Variants in CFAP77 observed in about 807,000 individuals in gnomAD.
CFAP77 encodes cilia and flagella associated protein 77.
A neutral mutation model predicts 31.1 loss-of-function variants in CFAP77; 25 were observed. The ratio of observed to expected loss-of-function variants is 0.80; its 90% confidence interval spans 0.59 to 1.12. The LOEUF (loss-of-function observed/expected upper bound fraction) is 1.12. Ranked by LOEUF, CFAP77 falls within the 50% of genes most tolerant of loss-of-function variation. The probability of loss-of-function intolerance (pLI) is 0.00; values close to 1 mark genes in which losing one functional copy is unlikely to be tolerated. For missense variants in CFAP77, 377 were observed against 397.3 expected (o/e 0.95, Z 0.44); for synonymous variants, 151 against 159.9 (o/e 0.94, Z 0.42).
At chr9:132,485,171 A>T (rs1488072371) in intron 1 of CFAP77, among the ~76,000 whole-genome samples, 9 of 152,176 alleles carry the variant, frequency 5.9e-5, no homozygotes, top group Non-Finnish European at 1.2e-4. Flanking sequence ...ACAAATGGAG[A>T]CGGAGCTGCT....
In CFAP77 at chr9:132,486,671, C is replaced by T. The variant is rs887172646; in HGVS notation, c.196-12024C>T. Among the ~76,000 whole-genome samples the T allele has an allele frequency of 1.4e-4, 22 of 152,378 alleles. 2 individuals carry two copies. The highest frequency in any genetic ancestry group is 3.4e-3 in the Middle Eastern group (1 of 294). On this transcript the variant is annotated intron_variant, in intron 1 of 5. Transcript: ENST00000393216. The stretch of plus-strand genomic sequence containing the variant: ...TCCCCTAAACATGCTGTTGAGTTAC[C>T]GGCCCCCAGAGGCCGGGGACTCCGA...
intron 1 of CFAP77, among the ~76,000 whole-genome samples, chr9:132,420,159 CAAAA>C (rs11302054): frequency 8.1e-5 from 11 of 135,068 alleles, no homozygotes; most frequent in African/African-American, 8.3e-5. Flanking sequence ...AGACCTTGAC[CAAAA>C]AAAAAAAAAA....
In CFAP77 at chr9:132,499,429, G is replaced by A. The variant is rs750950057; in HGVS notation, c.353G>A (p.Arg118Gln). 1.1e-5 allele frequency: 18 copies of A among 1,614,202 alleles called. No homozygotes were observed. In the Middle Eastern group the frequency reaches 4.9e-4, roughly 44 times the overall value. ...CCCACCTGCCCCCACGAGCTGACCC[G>A]GAATTATATCGCAATGAACCGCGGG... ...QQPTCPHELTRNYIAMNRGAV... is the reference protein window; with the variant it reads ...QQPTCPHELTQNYIAMNRGAV... Residue 118 changes from arginine (R) to glutamine (Q), a missense_variant, in exon 3 of 6, where the codon CGG becomes CAG. Transcript: ENST00000393216. This position sits in a 1 kb window ranked among gnomAD's most constrained non-coding sequence, Gnocchi z 5.4.
chr9:132,448,199 G>GCA (rs151157715), intron 1 of CFAP77, among the ~76,000 whole-genome samples: 13 of 151,556 alleles, frequency 8.6e-5, no homozygotes, highest in Admixed American at 2.6e-4. Context: ...ACGCACACAT[G>GCA]CACACACACA....
At chr9:132,520,295 A>G (rs560536812) in intron 3 of CFAP77, among the ~76,000 whole-genome samples, 1 of 152,144 alleles carries the variant, frequency 6.6e-6, no homozygotes, top group Non-Finnish European at 1.5e-5. Flanking sequence ...ACAATGATCC[A>G]TGCACAATTT....
rs865906190 is a variant in CFAP77 at position 132,438,537 on chromosome 9, A to T, written c.195+28071A>T. Among the ~76,000 whole-genome samples the T allele has an allele frequency of 2.3e-4, 27 of 116,170 alleles. 1 individual carries two copies. Among genetic ancestry groups the T allele is most frequent in the South Asian group, 2.2e-3 (8 of 3,606 alleles). The allele number at this position is 116,170 out of a possible 152,430, so 76.2% of individuals were successfully genotyped here. A position where few individuals can be genotyped will look rare whatever the true frequency, so the allele number is the denominator to read the frequency against. ...AGATATGGTATATATATATATATAT[A>T]TATATTTTTTTTTTTTTTTTTAGAC... On this transcript the variant is annotated intron_variant, in intron 1 of 5. Transcript: ENST00000393216.
intron 1 of CFAP77, among the ~76,000 whole-genome samples, chr9:132,430,532 T>C (rs531543393): frequency 7.9e-5 from 12 of 152,242 alleles, no homozygotes; most frequent in Non-Finnish European, 1.8e-4. Context: ...AGAGCTATCC[T>C]GTGAACTAGA....
Position 132,552,252 on chromosome 9 carries a change from C to G in CFAP77, c.732+9205C>G, listed in dbSNP as rs891148554. 2.0e-5 allele frequency among the ~76,000 whole-genome samples: 3 copies of G among 152,188 alleles called. No individual in the cohort carries two copies. Among genetic ancestry groups the G allele is most frequent in the Non-Finnish European group, 2.9e-5 (2 of 68,040 alleles). ...ACAGAGAGGACCAAGTGCAATCATG[C>G]GTGTGAAGCGCGTGGCACAGGCCTG... On this transcript the variant is annotated intron_variant, in intron 5 of 5. Transcript: ENST00000393216. This position sits in a 1 kb window ranked among gnomAD's most constrained non-coding sequence, Gnocchi z 5.5.
chr9:132,526,191 G>A (rs1056280362), intron 3 of CFAP77, among the ~76,000 whole-genome samples: 1 of 151,980 alleles, frequency 6.6e-6, no homozygotes, highest in Non-Finnish European at 1.5e-5. Flanking sequence ...AGCAATTGCC[G>A]GGCCATCTGG....
intron 1 of CFAP77, among the ~76,000 whole-genome samples, chr9:132,427,667 G>A (rs750083372): frequency 6.6e-6 from 1 of 152,134 alleles, no homozygotes; most frequent in Non-Finnish European, 1.5e-5. Flanking sequence ...AGTTCTGGAT[G>A]CCAAAGGGCT....
intron 5 of CFAP77, among the ~76,000 whole-genome samples, chr9:132,547,242 G>A (rs76381583): frequency 0.028 from 4,304 of 152,272 alleles, 82 homozygotes; most frequent in Middle Eastern, 0.095. Flanking sequence ...ACAGCCAGAC[G>A]GGGTCAAGTG....
chr9:132,457,138 A>AC (rs1485656582), intron 1 of CFAP77, among the ~76,000 whole-genome samples: 2 of 151,676 alleles, frequency 1.3e-5, no homozygotes, highest in Non-Finnish European at 2.9e-5. Flanking sequence ...TAAACCGGTC[A>AC]CCCCCACCCC....
intron 1 of CFAP77, among the ~76,000 whole-genome samples, chr9:132,425,166 C>T (rs1467559684): frequency 2.6e-5 from 4 of 152,120 alleles, no homozygotes; most frequent in Non-Finnish European, 4.4e-5. Context: ...TGTTTTCTGC[C>T]GAAATCTGGG....
At position 132,508,383 on chromosome 9, in the gene CFAP77, A is replaced by G. The variant is rs1851973222; in HGVS notation, c.524+8783A>G. On this transcript the variant is annotated intron_variant, in intron 3 of 5. Transcript: ENST00000393216. ...GTAGTATCAAGCTCAAGAATGCAGGACATCATACATTCAAGGGAAGGTTCA... is the reference window on the plus strand; with the variant it reads ...GTAGTATCAAGCTCAAGAATGCAGGGCATCATACATTCAAGGGAAGGTTCA... Among the ~76,000 whole-genome samples, 4 of 152,286 alleles carry G rather than the reference A, an allele frequency of 2.6e-5. No individual in the cohort carries two copies. The South Asian group carries it at 8.3e-4, about 32-fold the overall frequency.
At chr9:132,474,192 A>G (rs1049636756) in intron 1 of CFAP77, among the ~76,000 whole-genome samples, 5 of 152,156 alleles carry the variant, frequency 3.3e-5, no homozygotes, top group African/African-American at 1.2e-4. Flanking sequence ...TGCATTTTCC[A>G]ATCTGTATCT....
intron 5 of CFAP77, among the ~76,000 whole-genome samples, chr9:132,555,350 A>T (rs1282497796): frequency 6.6e-6 from 1 of 152,218 alleles, no homozygotes; most frequent in Non-Finnish European, 1.5e-5. Flanking sequence ...TGGGCCGAGG[A>T]CACCAAACAT....
intron 5 of CFAP77, among the ~76,000 whole-genome samples, chr9:132,568,845 ATGT>A: frequency 6.6e-6 from 1 of 152,152 alleles, no homozygotes; most frequent in South Asian, 2.1e-4. Flanking sequence ...GACTATAGGC[ATGT>A]GCCACCATGC....
chr9:132,516,809 TA>T (rs201278454), intron 3 of CFAP77, among the ~76,000 whole-genome samples: 39 of 151,304 alleles, frequency 2.6e-4, no homozygotes, highest in African/African-American at 8.0e-4. Context: ...AGTTTCAGTT[TA>T]AAAAAAAATA....
At chr9:132,474,135 G>A (rs1004196259) in intron 1 of CFAP77, among the ~76,000 whole-genome samples, 3 of 152,168 alleles carry the variant, frequency 2.0e-5, no homozygotes, top group African/African-American at 7.2e-5. Flanking sequence ...TCTTGTAAGG[G>A]TTTGCATCTA....
Sources: gnomAD v4.1 joint callset for allele counts (sites outside exome capture counted in the v4.1 genomes callset) on GRCh38, gnomAD v4.1.1 for gene constraint, Gnocchi (gnomAD v3.1) non-coding constraint, MANE v1.5 for transcripts, NCBI Gene and HGNC (gene_info 2026-07-23, HGNC 2026-07-21) for gene names.